SEMA3D: variants seen among roughly 807,000 people sequenced by gnomAD.
The protein encoded by SEMA3D is semaphorin 3D, also known as semaphorin-3D.
A neutral mutation model predicts 100.1 loss-of-function variants in SEMA3D; 84 were observed. That is an observed-to-expected ratio of 0.84 (90% CI 0.70 to 1.01). The LOEUF is 1.01. Among genes scored for constraint, SEMA3D ranks in the 50% least tolerant of loss-of-function variants. The pLI, the probability that SEMA3D is intolerant of heterozygous loss-of-function variation, is 0.00. For missense variants in SEMA3D, 875 were observed against 934.1 expected, an observed-to-expected ratio of 0.94 and a Z score of 0.82; for synonymous variants, 312 against 320.7, an observed-to-expected ratio of 0.97 and a Z score of 0.29.
intron 3 of SEMA3D, among the ~76,000 whole-genome samples, chr7:85,100,988 C>A (rs1463602356): frequency 1.3e-5 from 2 of 151,850 alleles, no homozygotes; most frequent in Non-Finnish European, 2.9e-5. Flanking sequence ...CTAAATACAA[C>A]TTCAATCATT....
In SEMA3D at chr7:85,014,914, A is replaced by G. The variant is rs569326338; in HGVS notation, c.1703+145T>C. The G allele has an allele frequency of 5.9e-4, 330 of 557,262 alleles. 1 individual carries two copies. The highest frequency in any genetic ancestry group is 7.8e-4 in the Non-Finnish European group (270 of 345,450). The allele number at this position is 557,262 out of a possible 1,614,324, so 34.5% of individuals were successfully genotyped here. ...AATTAAGTTTTATGTAAAAATATAA[A>G]ACAACATTTTGATTTTAATATTCCT... is the stretch of plus-strand genomic sequence containing the variant. On this transcript the variant is annotated intron_variant, in intron 16 of 18. Coordinates refer to ENST00000284136, the MANE Select transcript of SEMA3D (RefSeq NM_001384900.1).
At chr7:85,194,305 T>A in the SEMA3D span, among the ~76,000 whole-genome samples, 1 of 152,280 alleles carries the variant, frequency 6.6e-6, no homozygotes, top group East Asian at 1.9e-4. Context: ...AAGCTTTGAA[T>A]TTCTCACCAT....
chr7:85,120,174 A>G (rs1789368378), intron 3 of SEMA3D, among the ~76,000 whole-genome samples: 1 of 152,042 alleles, frequency 6.6e-6, no homozygotes, highest in Admixed American at 6.6e-5. Context: ...ATCTAGTTGA[A>G]GAGTTGTTTA....
At chr7:85,010,234 G>A (rs558435359) in intron 17 of SEMA3D, among the ~76,000 whole-genome samples, 33 of 151,958 alleles carry the variant, frequency 2.2e-4, no homozygotes, top group African/African-American at 6.7e-4. Context: ...TGATGTGAGA[G>A]AGGGTCAGAG....
At chr7:85,222,440 T>C in the SEMA3D span, among the ~76,000 whole-genome samples, 1 of 152,140 alleles carries the variant, frequency 6.6e-6, no homozygotes, top group Admixed American at 6.6e-5. Flanking sequence ...CGTAAATATA[T>C]GTATATAGTC....
At chr7:85,222,992 G>C in the SEMA3D span, among the ~76,000 whole-genome samples, 1 of 152,004 alleles carries the variant, frequency 6.6e-6, no homozygotes, top group African/African-American at 2.4e-5. Context: ...AGTGGGCTGG[G>C]GACATGAATA....
intron 11 of SEMA3D, 74 bp from the exon 12 acceptor site, chr7:85,037,107 A>G: frequency 6.8e-7 from 1 of 1,476,834 alleles, no homozygotes; most frequent in Non-Finnish European, 9.2e-7. Flanking sequence ...ACATACTATC[A>G]GCAGGTGCTG....
chr7:85,138,593 T>G (rs1789933082), intron 2 of SEMA3D, among the ~76,000 whole-genome samples: 1 of 148,350 alleles, frequency 6.7e-6, no homozygotes, highest in Non-Finnish European at 1.5e-5. Context: ...CTTTCCATTT[T>G]GTGCCTCCCT....
chr7:85,175,557 A>T (rs1451126431), intron 1 of SEMA3D, among the ~76,000 whole-genome samples: 1 of 152,162 alleles, frequency 6.6e-6, no homozygotes, highest in East Asian at 1.9e-4. Context: ...AATGTTATTC[A>T]CCCGTCTGTA....
chr7:85,080,940 T>G (rs1467974987), intron 5 of SEMA3D, among the ~76,000 whole-genome samples: 1 of 152,214 alleles, frequency 6.6e-6, no homozygotes, highest in African/African-American at 2.4e-5. Flanking sequence ...TATGAGTTAT[T>G]TTATATAATC....
chr7:85,219,463 T>A, the SEMA3D span, among the ~76,000 whole-genome samples: 1 of 151,998 alleles, frequency 6.6e-6, no homozygotes, highest in African/African-American at 2.4e-5. Flanking sequence ...ACATTTTTTT[T>A]AGCAATACAT....
intron 5 of SEMA3D, among the ~76,000 whole-genome samples, chr7:85,077,594 A>C (rs1426194528): frequency 6.6e-6 from 1 of 152,178 alleles, no homozygotes; most frequent in Non-Finnish European, 1.5e-5. Flanking sequence ...GTAATGAAAA[A>C]ATTTCAAGCT....
Position 84,999,444 on chromosome 7 carries a change from G to T in SEMA3D, c.2330C>A (p.Thr777Lys). Residue 777 changes from threonine to lysine, a missense_variant, in exon 19 of 19, where the codon ACG becomes AAG. Thr to Lys is a moderately conservative substitution (Grantham distance 78). Coordinates refer to ENST00000284136, the MANE Select transcript of SEMA3D (RefSeq NM_001384900.1). ...DLDELPRAVAT is the reference protein window; with the variant it reads ...DLDELPRAVAK ...TTCTTTAAATTAAGTAGAAAACTAC[G>T]TGGCTACAGCTCTAGGGAGCTCATC... 6.2e-7 allele frequency: 1 copy of T among 1,612,216 alleles called. No individual in the cohort carries two copies. The highest frequency in any genetic ancestry group is 8.5e-7 in the Non-Finnish European group (1 of 1,178,946).
chr7:85,150,051 GATTCCA>G (rs1277466003), intron 2 of SEMA3D, among the ~76,000 whole-genome samples: 4 of 151,970 alleles, frequency 2.6e-5, no homozygotes, highest in Non-Finnish European at 5.9e-5. Flanking sequence ...TGTTCAATCT[GATTCCA>G]AGGTTTGAGA....
At chr7:85,244,582 A>G in the SEMA3D span, among the ~76,000 whole-genome samples, 1 of 152,136 alleles carries the variant, frequency 6.6e-6, no homozygotes, top group African/African-American at 2.4e-5. Flanking sequence ...ATAGTCCAGG[A>G]GGTATGTGTC....
At chr7:85,055,950 G>T in intron 8 of SEMA3D, 91 bp from the exon 9 acceptor site, 1 of 671,016 alleles carries the variant, frequency 1.5e-6, no homozygotes, top group South Asian at 1.8e-5. Flanking sequence ...GCAATTAGCA[G>T]TAGAATTTTT....
intron 5 of SEMA3D, among the ~76,000 whole-genome samples, chr7:85,075,254 G>T (rs374463609): frequency 1.5e-4 from 23 of 152,006 alleles, no homozygotes; most frequent in African/African-American, 4.1e-4. Context: ...AAGTAATTTT[G>T]CAAGATTCTG....
the SEMA3D span, among the ~76,000 whole-genome samples, chr7:85,239,294 G>C: frequency 1.3e-5 from 2 of 152,134 alleles, no homozygotes; most frequent in Non-Finnish European, 2.9e-5. Context: ...CTCCACCCTT[G>C]TAAATGGATT....
chr7:85,057,138 TGTACA>T (rs992393452), intron 8 of SEMA3D, among the ~76,000 whole-genome samples: 3 of 152,076 alleles, frequency 2.0e-5, no homozygotes, highest in Non-Finnish European at 4.4e-5. Context: ...CCATAATATA[TGTACA>T]GTGTAAAAAT....
Sources: gnomAD v4.1 joint callset for allele counts (sites outside exome capture counted in the v4.1 genomes callset) on GRCh38, gnomAD v4.1.1 for gene constraint, MANE v1.5 for transcripts, NCBI Gene and HGNC (gene_info 2026-07-23, HGNC 2026-07-21) for gene names.